The following ZNF395 variants were observed in gnomAD, a reference collection of about 807,000 sequenced individuals.
ZNF395 encodes zinc finger protein 395.
A neutral mutation model predicts 57.7 loss-of-function variants in ZNF395; 20 were observed. The ratio of observed to expected loss-of-function variants is 0.35; its 90% confidence interval spans 0.24 to 0.50. The LOEUF is 0.50. Ranked by LOEUF, ZNF395 falls within the 20% of genes least tolerant of loss-of-function variation. The pLI is 0.97. For missense variants in ZNF395, 606 were observed against 671.2 expected, an observed-to-expected ratio of 0.90 and a Z score of 1.07; for synonymous variants, 295 against 275.9, an observed-to-expected ratio of 1.07 and a Z score of -0.69.
At chr8:28,371,400 C>T (rs190329831) in intron 1 of ZNF395, among the ~76,000 whole-genome samples, 80 of 152,260 alleles carry the variant, frequency 5.3e-4, no homozygotes, top group Non-Finnish European at 5.3e-4. Context: ...AGGCTTTTCT[C>T]GAATTCCTGG....
At chr8:28,351,437 A>G (rs1801681177) in intron 7 of ZNF395, 58 bp downstream of exon 7, 1 of 1,509,490 alleles carries the variant, frequency 6.6e-7, no homozygotes. Flanking sequence ...CCTGTAATCA[A>G]GCTGGCCCGT....
At chr8:28,383,822 C>T (rs1413802191) in intron 1 of ZNF395, among the ~76,000 whole-genome samples, 4 of 152,124 alleles carry the variant, frequency 2.6e-5, no homozygotes, top group African/African-American at 4.8e-5. Context: ...GCCATAGCTG[C>T]TTGCAGGACA....
chr8:28,348,464 A>T lies in ZNF395; in HGVS notation c.*255T>A. 4.5e-6 allele frequency: 2 copies of T among 444,840 alleles called. No individual in the cohort carries two copies. The highest frequency in any genetic ancestry group is 8.3e-6 in the Non-Finnish European group (2 of 239,796). 27.6% of individuals were successfully genotyped at this position (444,840 alleles called of 1,614,324 possible). A position where few individuals can be genotyped will look rare whatever the true frequency, so the allele number is the denominator to read the frequency against. Reference sequence around the variant, plus strand: ...TAATTAATTCTTTGGTCACTGGTTCACTGCTGAATAGCCTTGGTCAGTTTT... The same window carrying T: ...TAATTAATTCTTTGGTCACTGGTTCTCTGCTGAATAGCCTTGGTCAGTTTT... On this transcript the variant is annotated 3_prime_UTR_variant, in exon 10 of 10. Coordinates refer to ENST00000344423, the MANE Select transcript of ZNF395 (RefSeq NM_018660.3).
At chr8:28,384,375 CA>C (rs1459323476) in intron 1 of ZNF395, among the ~76,000 whole-genome samples, 1 of 152,226 alleles carries the variant, frequency 6.6e-6, no homozygotes, top group Non-Finnish European at 1.5e-5. Flanking sequence ...ATTCCCACCT[CA>C]CAGCCTATCT....
rs1801788279 is a variant in ZNF395, at chr8:28,356,973, T to TC, written c.474-195dup. ...ATAAACTCAGTGAAACATGAAGGTC[T>TC]CCCCTTCTTCCTGAGCAGTACCCAT... On this transcript the variant is annotated intron_variant, in intron 3 of 9. Coordinates refer to ENST00000344423, the MANE Select transcript of ZNF395 (RefSeq NM_018660.3). This position sits in a 1 kb window ranked among gnomAD's most constrained non-coding sequence, Gnocchi z 4.0. 6.6e-6 allele frequency among the ~76,000 whole-genome samples: 1 copy of TC among 152,150 alleles called. No homozygotes were observed. Among genetic ancestry groups the TC allele is most frequent in the Non-Finnish European group, 1.5e-5 (1 of 68,032 alleles).
intron 1 of ZNF395, among the ~76,000 whole-genome samples, chr8:28,380,507 A>G (rs1802096490): frequency 6.6e-6 from 1 of 152,198 alleles, no homozygotes; most frequent in African/African-American, 2.4e-5. Flanking sequence ...CCAAGAATAG[A>G]ACCCTACTGT....
Position 28,361,019 on chromosome 8 carries a change from GCTCCGAGGGTGGGGCAGCCGAGGGCCC to G in ZNF395, c.79_105del (p.Gly27_Glu35del). On this transcript the variant is annotated inframe_deletion, in exon 2 of 10. Transcript: ENST00000344423. ...TGGGGAGCGGCCCCTTCTAGCAGTG[GCTCCGAGGGTGGGGCAGCCGAGGGCCC>G]CTCCGAGGCACTGGGTCCCAACACC... 1 of 1,610,484 alleles carries G rather than the reference GCTCCGAGGGTGGGGCAGCCGAGGGCCC, an allele frequency of 6.2e-7. No individual in the cohort carries two copies. The highest frequency in any genetic ancestry group is 8.5e-7 in the Non-Finnish European group (1 of 1,178,192).
intron 1 of ZNF395, among the ~76,000 whole-genome samples, chr8:28,373,574 A>C (rs766362204): frequency 1.1e-4 from 16 of 152,192 alleles, no homozygotes; most frequent in Non-Finnish European, 2.1e-4. Flanking sequence ...CTCCAGGCCA[A>C]GTGAACTGAG....
intron 1 of ZNF395, among the ~76,000 whole-genome samples, chr8:28,380,249 T>C (rs1802093147): frequency 6.6e-6 from 1 of 152,248 alleles, no homozygotes; most frequent in African/African-American, 2.4e-5. Flanking sequence ...GGTATTATCT[T>C]ATCAGGATAC....
chr8:28,358,621 G>C (rs917812526), intron 3 of ZNF395, among the ~76,000 whole-genome samples: 15 of 152,048 alleles, frequency 9.9e-5, no homozygotes, highest in African/African-American at 3.6e-4. Context: ...TTTTTTTGTA[G>C]AGTCAAAGTT....
At position 28,360,851 on chromosome 8, in the gene ZNF395, G is replaced by A. The variant is rs771158306; in HGVS notation, c.240+34C>T. Reference sequence around the variant, plus strand: ...CAGCCCCCTACCCCAAGACTGGCAAGACGGGACACCTGTCCATGTTGGGAT... The same window carrying A: ...CAGCCCCCTACCCCAAGACTGGCAAAACGGGACACCTGTCCATGTTGGGAT... On this transcript the variant is annotated intron_variant, in intron 2 of 9. Transcript: ENST00000344423. The A allele has an allele frequency of 4.4e-6, 7 of 1,607,802 alleles. No homozygotes were observed. In the South Asian group the frequency reaches 6.7e-5, roughly 15 times the overall value.
At chr8:28,369,137 A>AT (rs571228550) in intron 1 of ZNF395, among the ~76,000 whole-genome samples, 6,518 of 136,710 alleles carry the variant, frequency 0.048, 283 homozygotes, top group African/African-American at 0.11. Flanking sequence ...TGCCTGGCCA[A>AT]TTTTTTTTTT....
intron 1 of ZNF395, among the ~76,000 whole-genome samples, chr8:28,361,725 G>A (rs1801851821): frequency 1.3e-5 from 2 of 152,188 alleles, no homozygotes; most frequent in African/African-American, 4.8e-5. Context: ...CTCGGTCAAA[G>A]CCTGAGGACG....
At chr8:28,375,795 T>C (rs1202111539) in intron 1 of ZNF395, among the ~76,000 whole-genome samples, 1 of 152,084 alleles carries the variant, frequency 6.6e-6, no homozygotes, top group African/African-American at 2.4e-5. Flanking sequence ...GACACATGAA[T>C]TTAAGAACAG....
intron 1 of ZNF395, among the ~76,000 whole-genome samples, chr8:28,371,373 A>G (rs1801974393): frequency 6.6e-6 from 1 of 152,062 alleles, no homozygotes; most frequent in Admixed American, 6.6e-5. Context: ...TAGAGACAGG[A>G]TTTCACCATG....
At position 28,377,748 on chromosome 8, in the gene ZNF395, C is replaced by CTTTT. The variant is rs71549661; in HGVS notation, c.-59+8641_-59+8644dup. Among the ~76,000 whole-genome samples, 58 of 100,630 alleles carry CTTTT rather than the reference C, an allele frequency of 5.8e-4. 1 individual carries two copies. Among genetic ancestry groups the CTTTT allele is most frequent in the African/African-American group, 2.0e-3 (42 of 20,958 alleles). 66.0% of individuals were successfully genotyped at this position (100,630 alleles called of 152,430 possible). On this transcript the variant is annotated intron_variant, in intron 1 of 9. Transcript: ENST00000344423. ...GAATAGAAGTGGCATGATGATCCCA[C>CTTTT]TTTTTTTTTTTTTTTTTTTTTTTTT...
chr8:28,369,422 A>T (rs1057350902), intron 1 of ZNF395, among the ~76,000 whole-genome samples: 1 of 152,168 alleles, frequency 6.6e-6, no homozygotes, highest in Non-Finnish European at 1.5e-5. Flanking sequence ...ATAAAAAGGC[A>T]ACTGCCCTCT....
Position 28,351,821 on chromosome 8 carries a change from A to T in ZNF395, c.921-14T>A. ...TCCACTGTGTCCCTGTGTGGGAGGGAGATGCGGTATAATCAGGGGCACCCT... is the reference window on the plus strand; with the variant it reads ...TCCACTGTGTCCCTGTGTGGGAGGGTGATGCGGTATAATCAGGGGCACCCT... On this transcript the variant is annotated splice_polypyrimidine_tract_variant and intron_variant, in intron 6 of 9. Transcript: ENST00000344423. 1 of 1,530,832 alleles carries T rather than the reference A, an allele frequency of 6.5e-7. No individual in the cohort carries two copies. Among genetic ancestry groups the T allele is most frequent in the Non-Finnish European group, 8.8e-7 (1 of 1,140,596 alleles). The allele number at this position is 1,530,832 out of a possible 1,614,324, so 94.8% of individuals were successfully genotyped here.
Position 28,359,194 on chromosome 8 carries a change from T to C in ZNF395, c.473+398A>G, listed in dbSNP as rs1321453094. On this transcript the variant is annotated intron_variant, in intron 3 of 9. Coordinates refer to ENST00000344423, the MANE Select transcript of ZNF395 (RefSeq NM_018660.3). The surrounding 1 kb of genome is among the most constrained non-coding windows in gnomAD (Gnocchi z 4.7). ...GGTGGATCACCAGAGGTCGGGAGTT[T>C]GAGACCAGCCTGACCAATAAATATG... is the stretch of plus-strand genomic sequence containing the variant. Among the ~76,000 whole-genome samples the C allele has an allele frequency of 6.6e-6, 1 of 152,134 alleles. No individual in the cohort carries two copies. Among genetic ancestry groups the C allele is most frequent in the Admixed American group, 6.5e-5 (1 of 15,280 alleles).
Sources: allele counts gnomAD v4.1 joint callset (sites outside exome capture counted in the v4.1 genomes callset), GRCh38; gene constraint gnomAD v4.1.1; non-coding constraint Gnocchi (gnomAD v3.1); transcripts MANE v1.5; gene names NCBI Gene and HGNC (gene_info 2026-07-23, HGNC 2026-07-21).